The following LCLAT1 variants were observed in gnomAD, a reference collection of about 807,000 sequenced individuals.
The protein encoded by LCLAT1 is lysocardiolipin acyltransferase 1, also known as 1-AGP acyltransferase 8.
In LCLAT1, 11 loss-of-function variants were observed where a neutral mutation model predicts 30.7. The observed-to-expected ratio is 0.36, with a 90% CI of 0.23 to 0.59. LCLAT1 has a LOEUF of 0.59. Among genes scored for constraint, LCLAT1 ranks in the 20% least tolerant of loss-of-function variants. LCLAT1 has a pLI of 0.77. For missense variants in LCLAT1, 402 were observed against 458.6 expected, an observed-to-expected ratio of 0.88 and a Z score of 1.13; for synonymous variants, 155 against 151.3, an observed-to-expected ratio of 1.02 and a Z score of -0.18.
chr2:30,469,218 T>C (rs1682637098), intron 1 of LCLAT1, among the ~76,000 whole-genome samples: 1 of 152,184 alleles, frequency 6.6e-6, no homozygotes, highest in African/African-American at 2.4e-5. Flanking sequence ...TGGTGGTCTT[T>C]CACGTGCAAA....
intron 3 of LCLAT1, among the ~76,000 whole-genome samples, chr2:30,553,884 T>C (rs181528343): frequency 1.3e-5 from 2 of 152,250 alleles, no homozygotes; most frequent in Admixed American, 1.3e-4. Flanking sequence ...TATCATTAGC[T>C]CATAGAAATA....
chr2:30,623,355 T>A (rs1373288113), intron 5 of LCLAT1, among the ~76,000 whole-genome samples: 3 of 152,076 alleles, frequency 2.0e-5, no homozygotes, highest in Non-Finnish European at 4.4e-5. Context: ...CACCTGGCCC[T>A]AAGAAATTTT....
chr2:30,525,822 A>T, intron 2 of LCLAT1, 67 bp downstream of exon 2: 1 of 1,359,018 alleles, frequency 7.4e-7, no homozygotes, highest in Non-Finnish European at 1.0e-6. Flanking sequence ...ATAGATACCT[A>T]AATCCATGGA....
intron 1 of LCLAT1, among the ~76,000 whole-genome samples, chr2:30,449,658 G>A (rs547093648): frequency 1.3e-5 from 2 of 151,924 alleles, no homozygotes; most frequent in Non-Finnish European, 2.9e-5. Context: ...GTGCCACTAC[G>A]CCTGGCTAAT....
chr2:30,489,647 A>G (rs986492732), intron 1 of LCLAT1, among the ~76,000 whole-genome samples: 8 of 152,188 alleles, frequency 5.3e-5, no homozygotes, highest in Admixed American at 5.2e-4. Context: ...CACCGCGCCC[A>G]GCCCACAGTT....
At chr2:30,499,634 G>A (rs1684273028) in intron 1 of LCLAT1, among the ~76,000 whole-genome samples, 1 of 152,204 alleles carries the variant, frequency 6.6e-6, no homozygotes, top group African/African-American at 2.4e-5. Context: ...TATAGGCAAT[G>A]TGGCTTTTAG....
At chr2:30,578,654 A>G (rs1201889834) in intron 5 of LCLAT1, among the ~76,000 whole-genome samples, 1 of 152,148 alleles carries the variant, frequency 6.6e-6, no homozygotes, top group Non-Finnish European at 1.5e-5. Flanking sequence ...AAGCTAAAAA[A>G]CAAATTCCTA....
intron 2 of LCLAT1, among the ~76,000 whole-genome samples, chr2:30,530,288 G>C (rs984806886): frequency 3.3e-5 from 5 of 152,146 alleles, no homozygotes; most frequent in African/African-American, 7.2e-5. Flanking sequence ...CTTTTAGTCT[G>C]GATTAATTGA....
chr2:30,452,778 C>T (rs1004972535), intron 1 of LCLAT1, among the ~76,000 whole-genome samples: 2 of 152,048 alleles, frequency 1.3e-5, no homozygotes, highest in African/African-American at 2.4e-5. Context: ...TTTAATGCAA[C>T]GAGCTAAGAA....
intron 1 of LCLAT1, among the ~76,000 whole-genome samples, chr2:30,453,176 C>CG (rs1352741446): frequency 3.3e-5 from 5 of 151,992 alleles, no homozygotes; most frequent in South Asian, 4.2e-4. Flanking sequence ...ACTCATGGAG[C>CG]GGGGGATAGC....
chr2:30,480,663 G>C (rs1683273701), intron 1 of LCLAT1, among the ~76,000 whole-genome samples: 1 of 152,074 alleles, frequency 6.6e-6, no homozygotes, highest in African/African-American at 2.4e-5. Flanking sequence ...CTAGGCGAGG[G>C]GATCAATTGA....
At chr2:30,611,083 C>CTT (rs369145708) in intron 5 of LCLAT1, among the ~76,000 whole-genome samples, 1 of 138,882 alleles carries the variant, frequency 7.2e-6, no homozygotes, top group Non-Finnish European at 1.6e-5. Context: ...CTACTTTTAG[C>CTT]TTTTTTTTTT....
At chr2:30,475,873 G>A (rs911511605) in intron 1 of LCLAT1, among the ~76,000 whole-genome samples, 3 of 152,146 alleles carry the variant, frequency 2.0e-5, no homozygotes, top group African/African-American at 7.2e-5. Context: ...TGAGATGCAG[G>A]TTTCTCTCTC....
chr2:30,607,361 C>T (rs1342525478), intron 5 of LCLAT1: 1 of 152,072 alleles, frequency 6.6e-6, no homozygotes, highest in Non-Finnish European at 1.5e-5. Context: ...TAGATGTCTT[C>T]TTGTGTACCT....
At chr2:30,524,579 C>T (rs1685619320) in intron 1 of LCLAT1, among the ~76,000 whole-genome samples, 1 of 152,146 alleles carries the variant, frequency 6.6e-6, no homozygotes, top group South Asian at 2.1e-4. Flanking sequence ...AGGATGAAAT[C>T]TGATGCCATG....
chr2:30,594,042 G>A (rs928983944), intron 5 of LCLAT1, among the ~76,000 whole-genome samples: 1 of 151,710 alleles, frequency 6.6e-6, no homozygotes, highest in African/African-American at 2.4e-5. Flanking sequence ...TGTAATATAG[G>A]TTTTATGTTT....
chr2:30,511,871 A>G (rs1684955909), intron 1 of LCLAT1, among the ~76,000 whole-genome samples: 1 of 152,204 alleles, frequency 6.6e-6, no homozygotes, highest in South Asian at 2.1e-4. Flanking sequence ...CTCATTACCT[A>G]ATCCTCTTTA....
At chr2:30,549,312 C>T (rs371250810) in intron 3 of LCLAT1, among the ~76,000 whole-genome samples, 3 of 152,080 alleles carry the variant, frequency 2.0e-5, no homozygotes, top group Non-Finnish European at 4.4e-5. Flanking sequence ...ATTTACATTG[C>T]GTTAGGCTGC....
chr2:30,638,583 C>A (rs1292062651), intron 5 of LCLAT1, among the ~76,000 whole-genome samples: 1 of 152,116 alleles, frequency 6.6e-6, no homozygotes, highest in Non-Finnish European at 1.5e-5. Flanking sequence ...TTCAGAGACT[C>A]CGCAGCAACA....
Sources: allele counts gnomAD v4.1 joint callset (sites outside exome capture counted in the v4.1 genomes callset), GRCh38; gene constraint gnomAD v4.1.1; transcripts MANE v1.5; gene names NCBI Gene and HGNC (gene_info 2026-07-23, HGNC 2026-07-21).